CSNK1G1: variants seen among roughly 807,000 people sequenced by gnomAD.
CSNK1G1 encodes casein kinase I isoform gamma-1.
In CSNK1G1, 22 loss-of-function variants were observed where a neutral mutation model predicts 59.6. The ratio of observed to expected loss-of-function variants is 0.37; its 90% confidence interval spans 0.26 to 0.53. The LOEUF is 0.53. CSNK1G1 is among the 20% of genes least tolerant of loss of function. CSNK1G1 has a pLI of 0.89. For missense variants in CSNK1G1, 384 were observed against 519.5 expected (o/e 0.74, Z 2.54); for synonymous variants, 179 against 177.1 (o/e 1.01, Z -0.08).
chr15:64,257,825 G>C (rs1048715748), intron 3 of CSNK1G1, among the ~76,000 whole-genome samples: 2 of 152,126 alleles, frequency 1.3e-5, no homozygotes, highest in African/African-American at 4.8e-5. Context: ...TGTCTGTTCG[G>C]TTAATCCTCT....
In CSNK1G1 at chr15:64,172,083, C is replaced by G. The variant is rs2081675105; in HGVS notation, c.1215-98G>C. 3 of 1,091,954 alleles carry G rather than the reference C, an allele frequency of 2.7e-6. No individual in the cohort carries two copies. The Admixed American group carries it at 5.1e-5, about 19-fold the overall frequency. The allele number at this position is 1,091,954 out of a possible 1,614,324, so 67.6% of individuals were successfully genotyped here. ...TTACTGCAGGGGTGGAATTTTCCCC[C>G]TAGCACCCACCCATAGGGACCACCC... On this transcript the variant is annotated intron_variant, in intron 11 of 11. Transcript: ENST00000303052.
chr15:64,229,387 A>G (rs2082509226), intron 4 of CSNK1G1, among the ~76,000 whole-genome samples: 1 of 152,202 alleles, frequency 6.6e-6, no homozygotes. Context: ...CACAAGCCCA[A>G]TTACTCAGAA....
intron 2 of CSNK1G1, among the ~76,000 whole-genome samples, chr15:64,263,500 T>C (rs905605828): frequency 6.6e-6 from 1 of 152,118 alleles, no homozygotes; most frequent in African/African-American, 2.4e-5. Context: ...GTGTGCAACC[T>C]TTTCCTTATT....
intron 1 of CSNK1G1, among the ~76,000 whole-genome samples, chr15:64,303,029 A>T (rs1895448755): frequency 6.6e-6 from 1 of 152,110 alleles, no homozygotes; most frequent in Non-Finnish European, 1.5e-5. Flanking sequence ...ATGTTTACTT[A>T]CATGTATGTA....
At chr15:64,191,726 A>G (rs1166503240) in intron 10 of CSNK1G1, among the ~76,000 whole-genome samples, 2 of 152,176 alleles carry the variant, frequency 1.3e-5, no homozygotes, top group Non-Finnish European at 2.9e-5. Context: ...TTGCTTCATA[A>G]ATGCTTCCAC....
chr15:64,220,643 CA>C (rs2082376652), intron 4 of CSNK1G1, among the ~76,000 whole-genome samples: 1 of 151,544 alleles, frequency 6.6e-6, no homozygotes, highest in South Asian at 2.1e-4. Context: ...ACTACAGACT[CA>C]GCTAATTTTG....
intron 4 of CSNK1G1, among the ~76,000 whole-genome samples, chr15:64,226,095 A>G (rs541731708): frequency 2.6e-5 from 4 of 152,310 alleles, no homozygotes; most frequent in African/African-American, 9.6e-5. Flanking sequence ...TGCTCAAGGC[A>G]CCAAGAACTT....
chr15:64,240,371 C>T (rs1232934700), intron 4 of CSNK1G1, among the ~76,000 whole-genome samples: 1 of 152,118 alleles, frequency 6.6e-6, no homozygotes, highest in Non-Finnish European at 1.5e-5. Flanking sequence ...CATAGAAAAC[C>T]TATTTAATGA....
intron 2 of CSNK1G1, among the ~76,000 whole-genome samples, chr15:64,281,699 G>A (rs1596213989): frequency 6.6e-6 from 1 of 151,882 alleles, no homozygotes; most frequent in Admixed American, 6.6e-5. Flanking sequence ...AATTAGCTGG[G>A]CGTGGTGGCG....
At chr15:64,193,500 A>AAAAAAG (rs1462225054) in intron 10 of CSNK1G1, among the ~76,000 whole-genome samples, 1 of 151,658 alleles carries the variant, frequency 6.6e-6, no homozygotes, top group African/African-American at 2.4e-5. Context: ...TCAAAAAAAA[A>AAAAAAG]AAAGTATATA....
chr15:64,344,662 C>T (rs1256865122), intron 1 of CSNK1G1, among the ~76,000 whole-genome samples: 1 of 152,156 alleles, frequency 6.6e-6, no homozygotes, highest in African/African-American at 2.4e-5. Context: ...TCTTATAAAT[C>T]CATAATTTCT....
intron 10 of CSNK1G1, among the ~76,000 whole-genome samples, chr15:64,183,598 A>G (rs1291213715): frequency 6.6e-6 from 1 of 152,244 alleles, no homozygotes; most frequent in Non-Finnish European, 1.5e-5. Context: ...GACAAGGCAA[A>G]TGACCATGAT....
chr15:64,278,377 C>CGTGTGTGTGT (rs56064136), intron 2 of CSNK1G1, among the ~76,000 whole-genome samples: 349 of 111,472 alleles, frequency 3.1e-3, no homozygotes, highest in Non-Finnish European at 4.7e-3. Context: ...CATGTATGTG[C>CGTGTGTGTGT]GTGTGTGTGT....
chr15:64,322,594 C>T (rs1260470945), intron 1 of CSNK1G1, among the ~76,000 whole-genome samples: 5 of 152,002 alleles, frequency 3.3e-5, no homozygotes, highest in Admixed American at 3.3e-4. Context: ...ATGGGTTGAT[C>T]CCTTGAGCCC....
In CSNK1G1 at chr15:64,169,536, C is replaced by G. The variant is rs536907988; in HGVS notation, c.*2395G>C. 2.0e-5 allele frequency: 3 copies of G among 152,462 alleles called. No individual in the cohort carries two copies. The highest frequency in any genetic ancestry group is 2.1e-4 in the South Asian group (1 of 4,832). 9.4% of individuals were successfully genotyped at this position (152,462 alleles called of 1,614,324 possible). A position where few individuals can be genotyped will look rare whatever the true frequency, so the allele number is the denominator to read the frequency against. Reference sequence around the variant, plus strand: ...GCGTGAGCCACTGCACCTGGCCCCCCCTCTGCCCTCTCTTGAGAGGCAAGG... The same window carrying G: ...GCGTGAGCCACTGCACCTGGCCCCCGCTCTGCCCTCTCTTGAGAGGCAAGG... On this transcript the variant is annotated 3_prime_UTR_variant, in exon 12 of 12. Transcript: ENST00000303052.
intron 2 of CSNK1G1, among the ~76,000 whole-genome samples, chr15:64,280,430 T>G (rs1301149529): frequency 6.6e-6 from 1 of 152,102 alleles, no homozygotes; most frequent in East Asian, 1.9e-4. Context: ...GAGACAGTCT[T>G]GCTCTGTTGC....
chr15:64,268,902 T>C (rs772126458), intron 2 of CSNK1G1, among the ~76,000 whole-genome samples: 4 of 152,172 alleles, frequency 2.6e-5, no homozygotes, highest in Non-Finnish European at 5.9e-5. Context: ...TAATCATACA[T>C]ATGCAAGACA....
chr15:64,340,711 T>C (rs886450506), intron 1 of CSNK1G1, among the ~76,000 whole-genome samples: 3 of 152,120 alleles, frequency 2.0e-5, no homozygotes, highest in African/African-American at 4.8e-5. Context: ...CCCAGCACTT[T>C]GGGGGGCCGA....
intron 1 of CSNK1G1, among the ~76,000 whole-genome samples, chr15:64,305,592 A>G (rs1463221464): frequency 6.6e-6 from 1 of 151,128 alleles, no homozygotes; most frequent in Admixed American, 6.6e-5. Context: ...GGTGGTATAC[A>G]CCTATGGAAC....
Sources: allele counts gnomAD v4.1 joint callset (sites outside exome capture counted in the v4.1 genomes callset), GRCh38; gene constraint gnomAD v4.1.1; transcripts MANE v1.5; gene names NCBI Gene and HGNC (gene_info 2026-07-23, HGNC 2026-07-21).